The following ATP2B2 variants were observed in gnomAD, a reference collection of about 807,000 sequenced individuals.
The protein encoded by ATP2B2 is ATPase plasma membrane Ca2+ transporting 2.
ATP2B2 carries 15 observed loss-of-function variants against 120.0 expected under a neutral mutation model. The ratio of observed to expected loss-of-function variants is 0.12; its 90% CI spans 0.08 to 0.19. ATP2B2 has a LOEUF of 0.19. Among genes scored for constraint, ATP2B2 ranks in the 10% least tolerant of loss-of-function variants. The probability of loss-of-function intolerance (pLI) is 1.00; values close to 1 mark genes in which losing one functional copy is unlikely to be tolerated. For missense variants in ATP2B2, 1,045 were observed against 1,719.8 expected (o/e 0.61, Z 6.94); for synonymous variants, 694 against 700.3 (o/e 0.99, Z 0.14).
intron 22 of ATP2B2, among the ~76,000 whole-genome samples, chr3:10,333,437 C>T (rs1371694142): frequency 1.3e-5 from 2 of 152,136 alleles, no homozygotes; most frequent in Non-Finnish European, 2.9e-5. Context: ...GAGGAAAGCA[C>T]ACTGGCTTCT....
At chr3:10,592,328 T>C (rs189246102) in intron 2 of ATP2B2, among the ~76,000 whole-genome samples, 28 of 152,378 alleles carry the variant, frequency 1.8e-4, no homozygotes, top group Admixed American at 1.8e-3. Flanking sequence ...TGAAATTATG[T>C]ATAATTATAA....
Position 10,567,413 on chromosome 3 carries a change from G to T in ATP2B2, c.-414-33280C>A, listed in dbSNP as rs2068032858. ...AGACAGGCAAATCTAACCTGCATTT[G>T]CTCAGTCTAATTTTGTTGATGCTGA... On this transcript the variant is annotated intron_variant, in intron 2 of 21. Transcript: ENST00000646379. 4.6e-5 allele frequency among the ~76,000 whole-genome samples: 7 copies of T among 152,170 alleles called. No homozygotes were observed. In the South Asian group the frequency reaches 1.5e-3, roughly 32 times the overall value.
intron 1 of ATP2B2, among the ~76,000 whole-genome samples, chr3:10,499,574 C>T (rs1404404731): frequency 2.0e-5 from 3 of 152,212 alleles, no homozygotes; most frequent in Non-Finnish European, 2.9e-5. Flanking sequence ...AGTGCTGCTG[C>T]CCCTATTCTC....
At chr3:10,468,921 T>C (rs2064867368) in intron 1 of ATP2B2, among the ~76,000 whole-genome samples, 2 of 152,220 alleles carry the variant, frequency 1.3e-5, no homozygotes, top group African/African-American at 4.8e-5. Flanking sequence ...CTTCGGTAGT[T>C]TTGTGGATGA....
chr3:10,697,862 C>G (rs1228452253), intron 1 of ATP2B2, among the ~76,000 whole-genome samples: 1 of 152,198 alleles, frequency 6.6e-6, no homozygotes, highest in East Asian at 1.9e-4. Flanking sequence ...TCAGCCAATA[C>G]TTTTCTCAAT....
At chr3:10,345,702 C>A in intron 17 of ATP2B2, 127 bp from the exon 18 acceptor site, 1 of 897,504 alleles carries the variant, frequency 1.1e-6, no homozygotes, top group South Asian at 1.6e-5. Flanking sequence ...CACAGCCAGA[C>A]CACACAGGGA....
intron 11 of ATP2B2, among the ~76,000 whole-genome samples, chr3:10,373,775 A>G (rs2061308424): frequency 6.6e-6 from 1 of 152,042 alleles, no homozygotes; most frequent in Non-Finnish European, 1.5e-5. Context: ...GGGTCTCACT[A>G]TTTGCCCAAG....
chr3:10,466,257 T>A (rs2064737161), intron 1 of ATP2B2, among the ~76,000 whole-genome samples: 1 of 152,214 alleles, frequency 6.6e-6, no homozygotes, highest in Non-Finnish European at 1.5e-5. Context: ...TGACCTACTA[T>A]CAGTGCAGCA....
chr3:10,508,131 C>A (rs1271150268), upstream of ATP2B2, among the ~76,000 whole-genome samples: 1 of 152,214 alleles, frequency 6.6e-6, no homozygotes, highest in Non-Finnish European at 1.5e-5. Context: ...GAGTTCCCAT[C>A]TCCTTGACAT....
intron 1 of ATP2B2, among the ~76,000 whole-genome samples, chr3:10,471,375 T>A (rs554871772): frequency 0.062 from 2,390 of 38,768 alleles, 62 homozygotes; most frequent in African/African-American, 0.33. Context: ...TGTGTGTGTG[T>A]GTGTGTGTGT....
chr3:10,511,879 G>A (rs763707117), intron 3 of ATP2B2, among the ~76,000 whole-genome samples: 9 of 152,190 alleles, frequency 5.9e-5, no homozygotes, highest in Non-Finnish European at 1.2e-4. Flanking sequence ...ACATTGACGT[G>A]TGTGTGTTTT....
chr3:10,376,242 T>C (rs1348659621), intron 10 of ATP2B2, among the ~76,000 whole-genome samples: 1 of 152,046 alleles, frequency 6.6e-6, no homozygotes, highest in African/African-American at 2.4e-5. Flanking sequence ...GTTTCAGATA[T>C]GGTGACACAT....
intron 2 of ATP2B2, among the ~76,000 whole-genome samples, chr3:10,612,233 C>A (rs1012683564): frequency 6.6e-6 from 1 of 152,194 alleles, no homozygotes; most frequent in Non-Finnish European, 1.5e-5. Context: ...TCTTCACTCC[C>A]TATCTCTGCT....
chr3:10,385,447 T>G, intron 7 of ATP2B2, 120 bp from the exon 8 acceptor site: 1 of 845,850 alleles, frequency 1.2e-6, no homozygotes. Flanking sequence ...AAAAAAATTA[T>G]CCTTTGGAAA....
At chr3:10,580,342 C>G (rs543510710) in intron 2 of ATP2B2, among the ~76,000 whole-genome samples, 5 of 152,278 alleles carry the variant, frequency 3.3e-5, no homozygotes, top group East Asian at 1.9e-4. Context: ...CCACTGGAAC[C>G]GAAGCTCTTA....
chr3:10,653,030 TATATGA>T (rs780281684), intron 1 of ATP2B2, among the ~76,000 whole-genome samples: 4 of 152,206 alleles, frequency 2.6e-5, no homozygotes, highest in African/African-American at 4.8e-5. Flanking sequence ...GTTTCACAGC[TATATGA>T]ATACACTTGA....
chr3:10,364,684 C>G (rs2060991217), intron 12 of ATP2B2, among the ~76,000 whole-genome samples: 1 of 151,870 alleles, frequency 6.6e-6, no homozygotes, highest in African/African-American at 2.4e-5. Context: ...GCACTCCAGC[C>G]TGGGCGTCAG....
At position 10,551,000 on chromosome 3, in the gene ATP2B2, T is replaced by C. The variant is rs559920470; in HGVS notation, c.-414-16867A>G. Reference sequence around the variant, plus strand: ...TTACCCAACTTGGATCAGGCAAGTTTGAGGCTCAGACAGCACTGAGGCAGG... The same window carrying C: ...TTACCCAACTTGGATCAGGCAAGTTCGAGGCTCAGACAGCACTGAGGCAGG... On this transcript the variant is annotated intron_variant, in intron 2 of 21. Transcript: ENST00000646379. Among the ~76,000 whole-genome samples, 224 of 152,262 alleles carry C rather than the reference T, an allele frequency of 1.5e-3. 2 individuals carry two copies. The highest frequency in any genetic ancestry group is 5.3e-3 in the African/African-American group (219 of 41,546).
At position 10,360,269 on chromosome 3, in the gene ATP2B2, T is replaced by C. The variant is rs2278555; in HGVS notation, c.1660-146A>G. 130,419 of 1,392,720 alleles carry C rather than the reference T, an allele frequency of 0.094. 7,712 individuals carry two copies. Among genetic ancestry groups the C allele is most frequent in the East Asian group, 0.32 (12,666 of 39,722 alleles). 86.3% of individuals were successfully genotyped at this position (1,392,720 alleles called of 1,614,324 possible). A position where few individuals can be genotyped will look rare whatever the true frequency, so the allele number is the denominator to read the frequency against. On this transcript the variant is annotated intron_variant, in intron 12 of 22. Coordinates refer to ENST00000360273, the MANE Select transcript of ATP2B2 (RefSeq NM_001001331.4). The stretch of plus-strand genomic sequence containing the variant: ...CTCAGGGAGCCCTTGGCCCATCCCC[T>C]GCACCCTCAGGGCTCTGCATCCCAG...
Sources: gnomAD v4.1 joint callset for allele counts (sites outside exome capture counted in the v4.1 genomes callset) on GRCh38, gnomAD v4.1.1 for gene constraint, MANE v1.5 for transcripts, NCBI Gene and HGNC (gene_info 2026-07-23, HGNC 2026-07-21) for gene names.